DPP6: variants seen among roughly 807,000 people sequenced by gnomAD.
DPP6 encodes the protein A-type potassium channel modulatory protein DPP6.
A neutral mutation model predicts 122.6 loss-of-function variants in DPP6; 69 were observed. The ratio of observed to expected loss-of-function variants is 0.56; its 90% CI spans 0.46 to 0.69. The LOEUF (loss-of-function observed/expected upper bound fraction) is 0.69, where lower values mean the gene tolerates loss of function less well. Among genes scored for constraint, DPP6 ranks in the 30% least tolerant of loss-of-function variants. The pLI, the probability that DPP6 is intolerant of heterozygous loss-of-function variation, is 0.00. For synonymous variants in DPP6, 418 were observed against 433.1 expected, an observed-to-expected ratio of 0.97 and a Z score of 0.43; for missense variants, 928 against 1,116.9, an observed-to-expected ratio of 0.83 and a Z score of 2.41.
At chr7:154,595,496 C>T (rs1455405899) in intron 5 of DPP6, among the ~76,000 whole-genome samples, 1 of 152,228 alleles carries the variant, frequency 6.6e-6, no homozygotes, top group Non-Finnish European at 1.5e-5. Context: ...GTAAGATTTG[C>T]ATCAATGTGA....
intron 1 of DPP6, among the ~76,000 whole-genome samples, chr7:154,334,703 C>A (rs1040407481): frequency 3.3e-5 from 5 of 152,198 alleles, no homozygotes; most frequent in African/African-American, 1.2e-4. Flanking sequence ...CGAGATCAGT[C>A]TGGCTAACAT....
chr7:154,753,478 A>T (rs139522354), intron 8 of DPP6, among the ~76,000 whole-genome samples: 1 of 152,176 alleles, frequency 6.6e-6, no homozygotes, highest in Non-Finnish European at 1.5e-5. Context: ...GAAAGAAAGG[A>T]GTGGCATGGA....
Position 154,241,477 on chromosome 7 carries a change from T to C in DPP6, c.243+188414T>C, listed in dbSNP as rs867483814. ...TGGGAGGCGGAGGCAGGAGAATCGC[T>C]TGAACCCAGGAGAAGGAGGTTGCAG... On this transcript the variant is annotated intron_variant, in intron 1 of 25. Coordinates refer to ENST00000377770, the MANE Select transcript of DPP6 (RefSeq NM_130797.4). This position sits in a 1 kb window ranked among gnomAD's most constrained non-coding sequence, Gnocchi z 9.0. Among the ~76,000 whole-genome samples, 104 of 152,056 alleles carry C rather than the reference T, an allele frequency of 6.8e-4. No individual in the cohort carries two copies. The highest frequency in any genetic ancestry group is 2.4e-3 in the African/African-American group (101 of 41,456).
At chr7:154,777,593 C>T (rs935314208) in intron 10 of DPP6, among the ~76,000 whole-genome samples, 9 of 152,152 alleles carry the variant, frequency 5.9e-5, no homozygotes, top group African/African-American at 1.7e-4. Context: ...TGGTTTCCTC[C>T]GGCCTTTCCC....
the DPP6 span, among the ~76,000 whole-genome samples, chr7:153,859,601 C>T: frequency 3.9e-5 from 6 of 152,198 alleles, no homozygotes; most frequent in African/African-American, 1.4e-4. Context: ...TGTTTACTGC[C>T]TGTTGCATGG....
chr7:153,816,772 C>A, the DPP6 span, among the ~76,000 whole-genome samples: 1 of 151,878 alleles, frequency 6.6e-6, no homozygotes. Flanking sequence ...GCACTCACTC[C>A]CCTAACACCC....
At chr7:153,789,471 G>A in the DPP6 span, among the ~76,000 whole-genome samples, 1 of 152,152 alleles carries the variant, frequency 6.6e-6, no homozygotes, top group South Asian at 2.1e-4. Context: ...GAGGTAGTCA[G>A]ATGTTTTTAT....
At chr7:154,530,472 G>GA (rs939686122) in intron 3 of DPP6, among the ~76,000 whole-genome samples, 1 of 151,072 alleles carries the variant, frequency 6.6e-6, no homozygotes, top group African/African-American at 2.4e-5. Context: ...CCCAGAACTT[G>GA]AAAAAAAAAG....
intron 1 of DPP6, among the ~76,000 whole-genome samples, chr7:153,975,582 TA>T (rs1442758549): frequency 6.6e-6 from 1 of 151,660 alleles, no homozygotes; most frequent in Non-Finnish European, 1.5e-5. Context: ...ATGAGAGTTC[TA>T]TTTTTTTTTT....
At chr7:153,808,119 T>G in the DPP6 span, among the ~76,000 whole-genome samples, 39 of 152,272 alleles carry the variant, frequency 2.6e-4, no homozygotes, top group East Asian at 6.9e-3. Context: ...GGTGTTTTGA[T>G]AAACACATTG....
intron 1 of DPP6, among the ~76,000 whole-genome samples, chr7:153,897,358 A>G (rs533627061): frequency 8.7e-4 from 132 of 152,228 alleles, no homozygotes; most frequent in Non-Finnish European, 1.7e-3. Flanking sequence ...GTGGGAGAGT[A>G]TGTCTTCTGC....
intron 3 of DPP6, among the ~76,000 whole-genome samples, chr7:154,502,001 T>A (rs541750709): frequency 6.6e-6 from 1 of 152,266 alleles, no homozygotes; most frequent in Admixed American, 6.5e-5. Context: ...GACCGAAATG[T>A]GAGACATGGA....
intron 1 of DPP6, among the ~76,000 whole-genome samples, chr7:154,423,850 T>C (rs963732773): frequency 1.3e-5 from 2 of 152,210 alleles, no homozygotes; most frequent in African/African-American, 4.8e-5. Context: ...AAGCAAATTT[T>C]GGAAAGAACT....
chr7:153,911,252 C>T (rs1800079715), intron 1 of DPP6, among the ~76,000 whole-genome samples: 1 of 152,190 alleles, frequency 6.6e-6, no homozygotes, highest in African/African-American at 2.4e-5. Context: ...TTGCAGAGTG[C>T]TCTTCCTGTA....
intron 1 of DPP6, among the ~76,000 whole-genome samples, chr7:154,274,123 A>T (rs1330035522): frequency 6.6e-6 from 1 of 152,164 alleles, no homozygotes; most frequent in African/African-American, 2.4e-5. Flanking sequence ...GTCCTGAGAA[A>T]TTGAGGTCCT....
intron 1 of DPP6, among the ~76,000 whole-genome samples, chr7:154,032,027 AT>A (rs59221022): frequency 0.19 from 24,263 of 127,006 alleles, 2,311 homozygotes; most frequent in African/African-American, 0.3. Flanking sequence ...ACACCCGCCT[AT>A]TTTTTTTTTT....
chr7:154,795,804 A>C (rs1429192448), intron 11 of DPP6, 41 bp from the exon 12 acceptor site: 1 of 1,433,540 alleles, frequency 7.0e-7, no homozygotes, highest in Non-Finnish European at 9.3e-7. Flanking sequence ...AAAGAAAAGA[A>C]AAGAAAAACC....
chr7:154,137,118 A>G (rs1297336052), intron 1 of DPP6, among the ~76,000 whole-genome samples: 1 of 152,130 alleles, frequency 6.6e-6, no homozygotes, highest in Non-Finnish European at 1.5e-5. Context: ...GAAATTTTTT[A>G]TTAGGGTAGA....
At chr7:154,240,292 G>A (rs1484580175) in intron 1 of DPP6, among the ~76,000 whole-genome samples, 18 of 151,994 alleles carry the variant, frequency 1.2e-4, no homozygotes, top group Admixed American at 1.1e-3. Flanking sequence ...TGTTACCACC[G>A]GATGCCTCTG....
Sources: allele counts gnomAD v4.1 joint callset (sites outside exome capture counted in the v4.1 genomes callset), GRCh38; gene constraint gnomAD v4.1.1; non-coding constraint Gnocchi (gnomAD v3.1); transcripts MANE v1.5; gene names NCBI Gene and HGNC (gene_info 2026-07-23, HGNC 2026-07-21).